The following VOPP1 variants were observed in gnomAD, a reference collection of about 807,000 sequenced individuals.
VOPP1 encodes the protein VOPP1 WW domain binding protein, also known as WW domain binding protein VOPP1.
Under a neutral mutation model 23.5 loss-of-function variants are expected in VOPP1, and 8 were observed. The observed-to-expected ratio is 0.34, with a 90% CI of 0.20 to 0.61. VOPP1 has a LOEUF of 0.61. VOPP1 is among the 20% of genes least tolerant of loss of function. The pLI is 0.78. For synonymous variants in VOPP1, 83 were observed against 97.3 expected, an observed-to-expected ratio of 0.85 and a Z score of 0.86; for missense variants, 174 against 238.1, an observed-to-expected ratio of 0.73 and a Z score of 1.77.
At chr7:55,496,907 G>A (rs188855378) in intron 3 of VOPP1, among the ~76,000 whole-genome samples, 32 of 152,300 alleles carry the variant, frequency 2.1e-4, no homozygotes, top group Non-Finnish European at 3.4e-4. Context: ...AGAGCAGGTG[G>A]GTACAAGAAA....
chr7:55,526,438 C>T (rs1202597627), intron 1 of VOPP1, among the ~76,000 whole-genome samples: 1 of 152,174 alleles, frequency 6.6e-6, no homozygotes, highest in Non-Finnish European at 1.5e-5. Context: ...CCTCCATGTG[C>T]GCTGAGTGAG....
intron 1 of VOPP1, among the ~76,000 whole-genome samples, chr7:55,569,492 C>A (rs889759954): frequency 6.6e-6 from 1 of 152,180 alleles, no homozygotes; most frequent in African/African-American, 2.4e-5. Context: ...GGAAGCAGAG[C>A]ATCGAGGTGG....
At chr7:55,446,210 G>A (rs945238410) in intron 4 of VOPP1, among the ~76,000 whole-genome samples, 1 of 152,226 alleles carries the variant, frequency 6.6e-6, no homozygotes, top group Non-Finnish European at 1.5e-5. Context: ...AGCCAGGATG[G>A]TCTCAATCTC....
At chr7:55,502,488 C>T (rs556997756) in intron 2 of VOPP1, among the ~76,000 whole-genome samples, 1 of 152,348 alleles carries the variant, frequency 6.6e-6, no homozygotes, top group Admixed American at 6.5e-5. Context: ...GCTGGCCCGG[C>T]TCCCATTGTG....
At chr7:55,500,515 T>C (rs142612297) in intron 2 of VOPP1, among the ~76,000 whole-genome samples, 1,673 of 152,274 alleles carry the variant, frequency 0.011, 11 homozygotes, top group Middle Eastern at 0.02. Flanking sequence ...ATCTCAGCCT[T>C]GTGAGGTGGC....
intron 4 of VOPP1, among the ~76,000 whole-genome samples, chr7:55,478,763 C>G (rs890600518): frequency 6.6e-6 from 1 of 152,240 alleles, no homozygotes; most frequent in Non-Finnish European, 1.5e-5. Flanking sequence ...ATCTCACATA[C>G]AGCCTGTCAT....
rs140100087 is a variant in VOPP1 at position 55,562,183 on chromosome 7, G to A, written c.54+10088C>T. 5.4e-3 allele frequency: 3,633 copies of A among 674,586 alleles called. 40 individuals are homozygous for A. The highest frequency in any genetic ancestry group is 0.023 in the South Asian group (1,443 of 63,790). 41.8% of individuals were successfully genotyped at this position (674,586 alleles called of 1,614,324 possible). A position where few individuals can be genotyped will look rare whatever the true frequency, so the allele number is the denominator to read the frequency against. The stretch of plus-strand genomic sequence containing the variant: ...TAGATACTGAAAGCTTTCCAAGGGC[G>A]CTCCTCCATACTGCTAAAGGACTCG... On this transcript the variant is annotated intron_variant, in intron 1 of 4. Transcript: ENST00000285279.
At chr7:55,546,870 T>C (rs1282913942) in intron 1 of VOPP1, among the ~76,000 whole-genome samples, 2 of 152,212 alleles carry the variant, frequency 1.3e-5, no homozygotes, top group Admixed American at 1.3e-4. Flanking sequence ...GGATCAGGTC[T>C]GCATCCTAAA....
intron 3 of VOPP1, among the ~76,000 whole-genome samples, chr7:55,495,050 G>A (rs1024002779): frequency 3.7e-4 from 55 of 150,398 alleles, no homozygotes; most frequent in African/African-American, 1.2e-3. Context: ...TCCTCCCCCC[G>A]ACCCCCCAGC....
chr7:55,521,019 C>T, intron 2 of VOPP1, 53 bp downstream of exon 2: 1 of 1,533,424 alleles, frequency 6.5e-7, no homozygotes, highest in Non-Finnish European at 8.8e-7. Flanking sequence ...AAGACAATTC[C>T]CAGAGAAAGG....
chr7:55,546,361 A>G (rs1797367514), intron 1 of VOPP1, among the ~76,000 whole-genome samples: 1 of 152,266 alleles, frequency 6.6e-6, no homozygotes, highest in African/African-American at 2.4e-5. Context: ...GCGGAATTAT[A>G]TGCTCTATGG....
chr7:55,453,475 G>A (rs1791291869), intron 4 of VOPP1, among the ~76,000 whole-genome samples: 1 of 152,106 alleles, frequency 6.6e-6, no homozygotes, highest in South Asian at 2.1e-4. Context: ...AACACTTATA[G>A]GCCATTGTAG....
downstream of VOPP1, among the ~76,000 whole-genome samples, chr7:55,466,681 T>C (rs187218598): frequency 6.0e-4 from 92 of 152,194 alleles, no homozygotes; most frequent in African/African-American, 2.2e-3. Context: ...AAAAAAGAGA[T>C]GGGATGTCAC....
intron 1 of VOPP1, among the ~76,000 whole-genome samples, chr7:55,553,235 C>T (rs1797684517): frequency 1.3e-5 from 2 of 152,176 alleles, no homozygotes; most frequent in African/African-American, 2.4e-5. Flanking sequence ...GTTATACAGG[C>T]TATTTTTATA....
chr7:55,544,972 G>T (rs1797303468), intron 1 of VOPP1, among the ~76,000 whole-genome samples: 1 of 152,166 alleles, frequency 6.6e-6, no homozygotes, highest in Admixed American at 6.5e-5. Context: ...TATATACTGA[G>T]AGGATAGAGG....
At chr7:55,441,139 G>T (rs144509072) in intron 4 of VOPP1, among the ~76,000 whole-genome samples, 1 of 152,156 alleles carries the variant, frequency 6.6e-6, no homozygotes, top group East Asian at 1.9e-4. Context: ...GTTGCTTGCC[G>T]GCACAGAGCC....
In VOPP1 at chr7:55,569,843, C is replaced by T. The variant is rs1034469221; in HGVS notation, c.54+2428G>A. On this transcript the variant is annotated intron_variant, in intron 1 of 4. Coordinates refer to ENST00000285279, the MANE Select transcript of VOPP1 (RefSeq NM_030796.5). ...CCTCTCACTAACACAGAAACCCCTG[C>T]GCATGTGAGATTCTGGATGGTGCTA... is the stretch of plus-strand genomic sequence containing the variant. Among the ~76,000 whole-genome samples the T allele has an allele frequency of 2.6e-5, 4 of 152,230 alleles. No individual in the cohort carries two copies. The South Asian group carries it at 6.2e-4, about 24-fold the overall frequency.
chr7:55,510,309 G>C (rs951583187), intron 2 of VOPP1, among the ~76,000 whole-genome samples: 3 of 152,158 alleles, frequency 2.0e-5, no homozygotes, highest in African/African-American at 7.2e-5. Context: ...TAATCTAAAT[G>C]GGTCCAGGTG....
intron 1 of VOPP1, among the ~76,000 whole-genome samples, chr7:55,549,610 A>G (rs1459633289): frequency 6.6e-6 from 1 of 152,028 alleles, no homozygotes; most frequent in Non-Finnish European, 1.5e-5. Context: ...ACTGGCGGAC[A>G]CTCTGCAGTG....
Sources: allele counts gnomAD v4.1 joint callset (sites outside exome capture counted in the v4.1 genomes callset), GRCh38; gene constraint gnomAD v4.1.1; transcripts MANE v1.5; gene names NCBI Gene and HGNC (gene_info 2026-07-23, HGNC 2026-07-21).